CASP6: variants seen among roughly 807,000 people sequenced by gnomAD.
CASP6 encodes the protein caspase 6.
In CASP6, 20 loss-of-function variants were observed where a neutral mutation model predicts 31.8. The observed-to-expected ratio is 0.63, with a 90% CI of 0.44 to 0.91. CASP6 has a LOEUF of 0.91. Ranked by LOEUF, CASP6 falls within the 40% of genes least tolerant of loss-of-function variation. CASP6 has a pLI of 0.00. For missense variants in CASP6, 328 were observed against 361.1 expected (o/e 0.91, Z 0.74); for synonymous variants, 130 against 127.8 (o/e 1.02, Z -0.12).
chr4:109,698,319 T>C lies in CASP6; in HGVS notation c.64A>G (p.Thr22Ala). Residue 22 changes from threonine to alanine, a missense_variant, in exon 2 of 7, where the codon ACA becomes GCA. By Grantham distance (58) the Thr-to-Ala change is moderately conservative. Transcript: ENST00000265164. ...CTTTACCTTTTATAGAAGGCATCTG[T>C]TTCTGTCATGTTTTCTTCCCCACCT... is the stretch of plus-strand genomic sequence containing the variant. ...PAGGEENMTE[T>A]DAFYKREMFD... is the part of the protein sequence containing the mutation. The C allele has an allele frequency of 6.2e-7, 1 of 1,611,606 alleles. No individual in the cohort carries two copies. Among genetic ancestry groups the C allele is most frequent in the South Asian group, 1.1e-5 (1 of 90,298 alleles).
the CASP6 span, among the ~76,000 whole-genome samples, chr4:109,673,247 C>G: frequency 1.3e-5 from 2 of 152,180 alleles, no homozygotes; most frequent in Non-Finnish European, 2.9e-5. Flanking sequence ...CATTTATGAA[C>G]AAACAAGTGG....
In CASP6 at chr4:109,697,770, T is replaced by C. The variant is rs759782287; in HGVS notation, c.84-2A>G. On this transcript the variant is annotated splice_acceptor_variant, in intron 2 of 6. Transcript: ENST00000265164. LOFTEE classifies it high-confidence loss of function. ...TTTTCTGCCGGATCAAACATTTCTC[T>C]GTTAATGAAAAGTTGAAAAACAATC... The C allele has an allele frequency of 6.2e-7, 1 of 1,611,976 alleles. No individual in the cohort carries two copies. The highest frequency in any genetic ancestry group is 1.7e-5 in the Admixed American group (1 of 59,458).
At chr4:109,691,219 A>G (rs1440826443) in intron 5 of CASP6, among the ~76,000 whole-genome samples, 1 of 152,240 alleles carries the variant, frequency 6.6e-6, no homozygotes, top group East Asian at 1.9e-4. Context: ...ATGTTTTAAG[A>G]AAAAATTGGC....
chr4:109,668,378 T>G, the CASP6 span, among the ~76,000 whole-genome samples: 1 of 152,150 alleles, frequency 6.6e-6, no homozygotes, highest in Non-Finnish European at 1.5e-5. Flanking sequence ...CCTTTTATTA[T>G]TATGTAATGT....
At chr4:109,695,901 C>G (rs1730223722) in intron 4 of CASP6, among the ~76,000 whole-genome samples, 1 of 152,058 alleles carries the variant, frequency 6.6e-6, no homozygotes, top group Non-Finnish European at 1.5e-5. Flanking sequence ...AAGAAGAGCT[C>G]TGAAGAAAGT....
At chr4:109,688,343 A>C (rs551327749), downstream of CASP6, 2 of 152,356 alleles carry the variant, frequency 1.3e-5, no homozygotes, top group South Asian at 4.1e-4. Flanking sequence ...GGGTCTGATG[A>C]CTGTTGGACT....
upstream of CASP6, among the ~76,000 whole-genome samples, chr4:109,705,126 C>A (rs545511600): frequency 6.6e-6 from 1 of 152,334 alleles, no homozygotes; most frequent in African/African-American, 2.4e-5. Flanking sequence ...CAGGCTGATG[C>A]TCTTGTTAGG....
the CASP6 span, among the ~76,000 whole-genome samples, chr4:109,673,209 G>A: frequency 6.6e-6 from 1 of 152,166 alleles, no homozygotes; most frequent in South Asian, 2.1e-4. Flanking sequence ...CACCCTGGAA[G>A]GTCTTTCACT....
At chr4:109,693,196 A>G (rs982287299) in intron 5 of CASP6, among the ~76,000 whole-genome samples, 24 of 152,304 alleles carry the variant, frequency 1.6e-4, no homozygotes, top group Admixed American at 9.2e-4. Context: ...GCCTCACCAG[A>G]AGCAGATGCC....
At chr4:109,665,491 C>G in the CASP6 span, among the ~76,000 whole-genome samples, 1 of 152,048 alleles carries the variant, frequency 6.6e-6, no homozygotes, top group Non-Finnish European at 1.5e-5. Flanking sequence ...GCAAACTCTA[C>G]CAAACTCTAC....
At chr4:109,664,946 A>G in the CASP6 span, among the ~76,000 whole-genome samples, 1 of 84,316 alleles carries the variant, frequency 1.2e-5, no homozygotes, top group Non-Finnish European at 2.7e-5. Flanking sequence ...ACTCTTGTAA[A>G]AAAAAAAAAT....
At chr4:109,693,013 A>G (rs1730124219) in intron 5 of CASP6, among the ~76,000 whole-genome samples, 1 of 152,182 alleles carries the variant, frequency 6.6e-6, no homozygotes, top group South Asian at 2.1e-4. Flanking sequence ...AGGGTCTCTC[A>G]TGAATGGTTT....
chr4:109,687,853 G>A (rs1037540469), downstream of CASP6: 3 of 424,512 alleles, frequency 7.1e-6, no homozygotes, highest in South Asian at 2.9e-5. Flanking sequence ...CTTGTCCCAC[G>A]TTTATTCTCT....
chr4:109,697,357 G>C (rs1220477594), intron 3 of CASP6, among the ~76,000 whole-genome samples: 3 of 151,348 alleles, frequency 2.0e-5, no homozygotes, highest in Non-Finnish European at 4.4e-5. Flanking sequence ...GTGCAGCCTT[G>C]AACTCCTGGG....
chr4:109,706,178 C>CATATATATATATATATATATATAT (rs1730615952), upstream of CASP6, among the ~76,000 whole-genome samples: 1 of 97,674 alleles, frequency 1.0e-5, no homozygotes, highest in African/African-American at 5.7e-5. Flanking sequence ...TATACACACA[C>CATATATATATATATATATATATAT]ACATATACAC....
At chr4:109,701,766 C>A (rs1730427555) in intron 1 of CASP6, among the ~76,000 whole-genome samples, 1 of 152,160 alleles carries the variant, frequency 6.6e-6, no homozygotes, top group South Asian at 2.1e-4. Flanking sequence ...CCTTAGATAC[C>A]TTATCTCACA....
downstream of CASP6, among the ~76,000 whole-genome samples, chr4:109,686,738 T>A (rs527545138): frequency 6.6e-6 from 1 of 152,170 alleles, no homozygotes; most frequent in African/African-American, 2.4e-5. Flanking sequence ...TAGCTGGACA[T>A]GGTGGCACAT....
At chr4:109,664,396 T>G in the CASP6 span, 1 of 1,202,990 alleles carries the variant, frequency 8.3e-7, no homozygotes, top group East Asian at 2.3e-5. Context: ...CAAAGAGAGG[T>G]AAGAAACACA....
intron 6 of CASP6, among the ~76,000 whole-genome samples, chr4:109,690,219 GC>G (rs1729997496): frequency 7.4e-6 from 1 of 135,480 alleles, no homozygotes; most frequent in Non-Finnish European, 1.5e-5. Context: ...ACACGTCTGG[GC>G]AACAGAGTGA....
Sources: allele counts gnomAD v4.1 joint callset (sites outside exome capture counted in the v4.1 genomes callset), GRCh38; gene constraint gnomAD v4.1.1; transcripts MANE v1.5; gene names NCBI Gene and HGNC (gene_info 2026-07-23, HGNC 2026-07-21).